The following NRXN2 variants were observed in gnomAD, a reference collection of about 807,000 sequenced individuals.
The protein encoded by NRXN2 is neurexin 2, also known as neurexin-2-beta.
Under a neutral mutation model 128.8 loss-of-function variants are expected in NRXN2, and 29 were observed. That is an observed-to-expected ratio of 0.23 (90% CI 0.17 to 0.31). The LOEUF (loss-of-function observed/expected upper bound fraction) is 0.31. Among genes scored for constraint, NRXN2 ranks in the 10% least tolerant of loss-of-function variants. NRXN2 has a pLI of 1.00. For missense variants in NRXN2, 1,881 were observed against 2,452.6 expected, an observed-to-expected ratio of 0.77 and a Z score of 4.92; for synonymous variants, 1,098 against 1,075.2, an observed-to-expected ratio of 1.02 and a Z score of -0.41.
At chr11:64,717,779 A>C (rs1439390783) in intron 1 of NRXN2, among the ~76,000 whole-genome samples, 3 of 152,182 alleles carry the variant, frequency 2.0e-5, no homozygotes, top group Admixed American at 2.0e-4. Context: ...AGGCTTACAG[A>C]CCAGGAAGCT....
chr11:64,710,022 C>T (rs1009445016), intron 2 of NRXN2, among the ~76,000 whole-genome samples: 1 of 151,886 alleles, frequency 6.6e-6, no homozygotes. Flanking sequence ...ATTCTCCTGC[C>T]TCAGCTTCCC....
rs534803792 is a variant in NRXN2 at position 64,684,344 on chromosome 11, C to A, written c.1152+1302G>T. ...CTCGGTAATGACAACGCGGGACAGC[C>A]CTCTGATTGGGTAAAGGGATGATTT... On this transcript the variant is annotated intron_variant, in intron 6 of 22. Coordinates refer to ENST00000265459, the MANE Select transcript of NRXN2 (RefSeq NM_015080.4). Among the ~76,000 whole-genome samples, 51 of 152,200 alleles carry A rather than the reference C, an allele frequency of 3.4e-4. 1 individual carries two copies. The South Asian group carries it at 7.1e-3, about 21-fold the overall frequency.
At position 64,632,517 on chromosome 11, in the gene NRXN2, T is replaced by C. The variant is rs1280519962; in HGVS notation, c.3586-1944A>G. On this transcript the variant is annotated intron_variant, in intron 18 of 22. Transcript: ENST00000265459. The surrounding 1 kb of genome is among the most constrained non-coding windows in gnomAD (Gnocchi z 4.2). ...TTAGTAATAATACCACCCAGAATAG[T>C]ATCAGCTCCCTGGATTCCTCTGAGG... Among the ~76,000 whole-genome samples the C allele has an allele frequency of 6.6e-6, 1 of 152,118 alleles. No individual in the cohort carries two copies. Among genetic ancestry groups the C allele is most frequent in the Non-Finnish European group, 1.5e-5 (1 of 68,012 alleles).
At chr11:64,629,383 C>A (rs1447837391) in intron 19 of NRXN2, among the ~76,000 whole-genome samples, 4 of 152,150 alleles carry the variant, frequency 2.6e-5, no homozygotes, top group Non-Finnish European at 5.9e-5. Flanking sequence ...AAGGCTCTGT[C>A]CACCTCTTCT....
At chr11:64,665,205 C>T (rs1320868658) in intron 9 of NRXN2, among the ~76,000 whole-genome samples, 2 of 151,214 alleles carry the variant, frequency 1.3e-5, no homozygotes, top group Non-Finnish European at 2.9e-5. Flanking sequence ...TGCTTGAACC[C>T]GGGAGGCAAA....
At chr11:64,694,385 TG>T (rs2054222109) in intron 3 of NRXN2, among the ~76,000 whole-genome samples, 1 of 152,206 alleles carries the variant, frequency 6.6e-6, no homozygotes, top group African/African-American at 2.4e-5. Flanking sequence ...GAGACGAAGC[TG>T]GGGGCCAGGA....
intron 2 of NRXN2, 169 bp downstream of exon 2, chr11:64,712,801 C>CCCTCGCCCGGACACGCGT: frequency 1.4e-6 from 1 of 735,444 alleles, no homozygotes; most frequent in Non-Finnish European, 2.4e-6. Context: ...ACCCCACGCG[C>CCCTCGCCCGGACACGCGT]CCTCGCCCGG....
intron 7 of NRXN2, among the ~76,000 whole-genome samples, chr11:64,671,717 G>C (rs567128499): frequency 6.6e-6 from 1 of 152,104 alleles, no homozygotes; most frequent in African/African-American, 2.4e-5. Context: ...CAGAGCTGTG[G>C]GGTGCAGGTA....
rs977662731 is a variant in NRXN2 at position 64,630,216 on chromosome 11, G to T, written c.3757+186C>A. ...GTCTCGCCCCGCCGCCACAAATCCC[G>T]ACTTTTCCTAGCCACGCCCCTGCCC... On this transcript the variant is annotated intron_variant, in intron 19 of 22. Transcript: ENST00000265459. The surrounding 1 kb of genome is among the most constrained non-coding windows in gnomAD (Gnocchi z 4.6). Among the ~76,000 whole-genome samples the T allele has an allele frequency of 6.6e-6, 1 of 151,088 alleles. No individual in the cohort carries two copies. The highest frequency in any genetic ancestry group is 2.4e-5 in the African/African-American group (1 of 41,038).
At chr11:64,656,209 G>C (rs2048257550) in intron 11 of NRXN2, 3 of 152,204 alleles carry the variant, frequency 2.0e-5, no homozygotes, top group Admixed American at 2.0e-4. Flanking sequence ...CCCTCCTTCA[G>C]AGCTGGCTCC....
At position 64,649,052 on chromosome 11, in the gene NRXN2, C is replaced by G. The variant is rs1591790080; in HGVS notation, c.3110-145G>C. 3 of 817,650 alleles carry G rather than the reference C, an allele frequency of 3.7e-6. No individual in the cohort carries two copies. The East Asian group carries it at 7.9e-5, about 22-fold the overall frequency. The allele number at this position is 817,650 out of a possible 1,614,324, so 50.6% of individuals were successfully genotyped here. ...AGGTCCCTAACAGAGATCCAGAGAC[C>G]TGCACAACCCGCACCCCCCCAACAC... On this transcript the variant is annotated intron_variant, in intron 15 of 22. Coordinates refer to ENST00000265459, the MANE Select transcript of NRXN2 (RefSeq NM_015080.4).
rs1392313693 is a variant in NRXN2 at position 64,713,755 on chromosome 11, C to T, written c.-56G>A. On this transcript the variant is annotated 5_prime_UTR_variant, in exon 2 of 23. Coordinates refer to ENST00000265459, the MANE Select transcript of NRXN2 (RefSeq NM_015080.4). Reference sequence around the variant, plus strand: ...CCGGCCCCCGCTCAGGCTTCAGAGCCGCGGGCGCATGGGGCGGGAGGGGGC... The same window carrying T: ...CCGGCCCCCGCTCAGGCTTCAGAGCTGCGGGCGCATGGGGCGGGAGGGGGC... The T allele has an allele frequency of 3.0e-6, 3 of 984,544 alleles. No homozygotes were observed. The highest frequency in any genetic ancestry group is 3.5e-5 in the African/African-American group (2 of 56,960). The allele number at this position is 984,544 out of a possible 1,614,324, so 61.0% of individuals were successfully genotyped here. A position where few individuals can be genotyped will look rare whatever the true frequency, so the allele number is the denominator to read the frequency against.
At chr11:64,640,569 G>C (rs546752560) in intron 17 of NRXN2, among the ~76,000 whole-genome samples, 10 of 152,254 alleles carry the variant, frequency 6.6e-5, no homozygotes, top group African/African-American at 2.2e-4. Flanking sequence ...TGGGGAGGGG[G>C]AGGGAGTTAA....
intron 17 of NRXN2, among the ~76,000 whole-genome samples, chr11:64,640,473 C>T (rs1200762466): frequency 6.6e-6 from 1 of 152,052 alleles, no homozygotes; most frequent in Non-Finnish European, 1.5e-5. Flanking sequence ...CCTATCTGGG[C>T]ACCTTTGGGG....
At chr11:64,645,073 G>A (rs542588592) in intron 17 of NRXN2, among the ~76,000 whole-genome samples, 4 of 152,204 alleles carry the variant, frequency 2.6e-5, no homozygotes, top group South Asian at 4.2e-4. Flanking sequence ...GCAGGGCCCC[G>A]AGCCATGCAG....
At chr11:64,693,614 C>A (rs1398387988) in intron 3 of NRXN2, among the ~76,000 whole-genome samples, 1 of 152,174 alleles carries the variant, frequency 6.6e-6, no homozygotes, top group Non-Finnish European at 1.5e-5. Context: ...GGGTTCTAAT[C>A]CTCCCAGCTA....
chr11:64,699,086 G>A (rs1003428662), intron 2 of NRXN2, among the ~76,000 whole-genome samples: 2 of 152,130 alleles, frequency 1.3e-5, no homozygotes, highest in Non-Finnish European at 2.9e-5. Flanking sequence ...CTGTTCATTC[G>A]CTCATAGAGA....
chr11:64,681,366 A>G (rs1381792199), intron 6 of NRXN2, among the ~76,000 whole-genome samples: 4 of 152,210 alleles, frequency 2.6e-5, no homozygotes. Context: ...AGTACAGATA[A>G]GGAATGAATA....
At chr11:64,617,235 T>C (rs2041678641) in intron 22 of NRXN2, among the ~76,000 whole-genome samples, 1 of 152,054 alleles carries the variant, frequency 6.6e-6, no homozygotes, top group South Asian at 2.1e-4. Context: ...AATGTATGTA[T>C]GTGTAGGGCT....
Sources: allele counts gnomAD v4.1 joint callset (sites outside exome capture counted in the v4.1 genomes callset), GRCh38; gene constraint gnomAD v4.1.1; non-coding constraint Gnocchi (gnomAD v3.1); transcripts MANE v1.5; gene names NCBI Gene and HGNC (gene_info 2026-07-23, HGNC 2026-07-21).